WDR27: variants seen among roughly 807,000 people sequenced by gnomAD.
The protein encoded by WDR27 is WD repeat-containing protein 27.
In WDR27, 100 loss-of-function variants were observed where a neutral mutation model predicts 114.4. The ratio of observed to expected loss-of-function variants is 0.87; its 90% CI spans 0.74 to 1.03. WDR27 has a LOEUF of 1.03. Ranked by LOEUF, WDR27 falls within the 50% of genes least tolerant of loss-of-function variation. WDR27 has a pLI of 0.00. For missense variants in WDR27, 1,129 were observed against 1,092.9 expected, an observed-to-expected ratio of 1.03 and a Z score of -0.47; for synonymous variants, 449 against 423.1, an observed-to-expected ratio of 1.06 and a Z score of -0.75.
At chr6:169,472,853 G>A (rs1279550517) in intron 25 of WDR27, among the ~76,000 whole-genome samples, 1 of 152,116 alleles carries the variant, frequency 6.6e-6, no homozygotes, top group Admixed American at 6.5e-5. Flanking sequence ...TCATAGACAT[G>A]TCAAATTTAA....
At chr6:169,429,010 G>A in the WDR27 span, among the ~76,000 whole-genome samples, 4 of 152,148 alleles carry the variant, frequency 2.6e-5, no homozygotes, top group African/African-American at 4.8e-5. Flanking sequence ...AAAACTCCCA[G>A]GCAGAAAGCA....
At chr6:169,579,274 G>A (rs1046854324) in intron 24 of WDR27, among the ~76,000 whole-genome samples, 24 of 152,186 alleles carry the variant, frequency 1.6e-4, no homozygotes, top group African/African-American at 5.8e-4. Flanking sequence ...AGAAGAGAGA[G>A]CCTTAAGCCA....
intron 25 of WDR27, among the ~76,000 whole-genome samples, chr6:169,499,034 T>C (rs907410804): frequency 6.6e-5 from 10 of 152,310 alleles, no homozygotes; most frequent in African/African-American, 2.4e-4. Flanking sequence ...TCAACAGCAA[T>C]ACCCCATTAC....
In WDR27 at chr6:169,655,289, G is replaced by A. The variant is rs117256282; in HGVS notation, c.1402+2987C>T. On this transcript the variant is annotated intron_variant, in intron 13 of 25. Coordinates refer to ENST00000448612, the MANE Select transcript of WDR27 (RefSeq NM_182552.5). ...GCCACCTGGGAAGACCCTTGCCATC[G>A]TCTGCCATCGACCTGCCATGTGGGG... Among the ~76,000 whole-genome samples, 226 of 152,332 alleles carry A rather than the reference G, an allele frequency of 1.5e-3. 5 individuals carry two copies. In the East Asian group the frequency reaches 0.038, roughly 26 times the overall value.
At chr6:169,506,051 A>T (rs1462556649) in intron 25 of WDR27, among the ~76,000 whole-genome samples, 1 of 152,178 alleles carries the variant, frequency 6.6e-6, no homozygotes, top group African/African-American at 2.4e-5. Flanking sequence ...TACAGCAGAC[A>T]TTTGCTTTTG....
At chr6:169,551,763 A>G (rs1186243154) in intron 25 of WDR27, among the ~76,000 whole-genome samples, 6 of 150,308 alleles carry the variant, frequency 4.0e-5, no homozygotes, top group Non-Finnish European at 5.9e-5. Flanking sequence ...AAAGAAAAAG[A>G]AAAGAAAAGA....
rs369036337 is a variant in WDR27 at position 169,559,537 on chromosome 6, A to G, written c.2645+12882T>C. On this transcript the variant is annotated intron_variant, in intron 25 of 25. Coordinates refer to ENST00000448612, the MANE Select transcript of WDR27 (RefSeq NM_182552.5). ...ATTAATGCCACATTAGTAGAAATAT[A>G]ATATATGTTGCCTCTCACAGAAATA... 5 of 152,324 alleles carry G rather than the reference A, an allele frequency of 3.3e-5. No homozygotes were observed. In the South Asian group the frequency reaches 1.0e-3, roughly 32 times the overall value. 9.4% of individuals were successfully genotyped at this position (152,324 alleles called of 1,614,324 possible).
At chr6:169,629,098 T>A (rs1335991489) in intron 21 of WDR27, among the ~76,000 whole-genome samples, 1 of 152,176 alleles carries the variant, frequency 6.6e-6, no homozygotes, top group African/African-American at 2.4e-5. Flanking sequence ...GAAATAAAAT[T>A]ACAAAATCAC....
chr6:169,626,698 GA>G (rs1814946321), intron 21 of WDR27, among the ~76,000 whole-genome samples: 1 of 152,244 alleles, frequency 6.6e-6, no homozygotes, highest in African/African-American at 2.4e-5. Flanking sequence ...CCACGTCCGT[GA>G]GTAAGTAGAT....
chr6:169,681,755 T>C (rs533646024), intron 2 of WDR27, among the ~76,000 whole-genome samples: 12 of 152,192 alleles, frequency 7.9e-5, no homozygotes, highest in Non-Finnish European at 1.8e-4. Flanking sequence ...CTTGCCCGTA[T>C]CTTGCAACCT....
the WDR27 span, among the ~76,000 whole-genome samples, chr6:169,443,302 T>A: frequency 6.6e-6 from 1 of 152,164 alleles, no homozygotes; most frequent in Non-Finnish European, 1.5e-5. Context: ...ATTGTTTAAC[T>A]CTCCTGTTAT....
At chr6:169,678,650 G>A (rs1015937038) in intron 2 of WDR27, among the ~76,000 whole-genome samples, 5 of 152,064 alleles carry the variant, frequency 3.3e-5, no homozygotes, top group South Asian at 2.1e-4. Context: ...GGGGTCTGGG[G>A]AGTCATGCCC....
chr6:169,605,358 C>T (rs1044616598), intron 22 of WDR27, among the ~76,000 whole-genome samples: 6 of 151,458 alleles, frequency 4.0e-5, no homozygotes, highest in African/African-American at 1.5e-4. Context: ...GTCCTATTTA[C>T]AATAGCTATA....
rs1473789858 is a variant in WDR27, at chr6:169,571,031, TAGAA to T, written c.2645+1384_2645+1387del. Among the ~76,000 whole-genome samples the T allele has an allele frequency of 2.0e-5, 3 of 152,284 alleles. No individual in the cohort carries two copies. In the South Asian group the frequency reaches 6.2e-4, roughly 32 times the overall value. On this transcript the variant is annotated intron_variant, in intron 25 of 25. Coordinates refer to ENST00000448612, the MANE Select transcript of WDR27 (RefSeq NM_182552.5). Reference sequence around the variant, plus strand: ...GCAGACTGTTTCAATTATGAGTTCTTAGAAAGAAATAGTGCAATCTTGCTCCTGA... The same window carrying T: ...GCAGACTGTTTCAATTATGAGTTCTTAGAAATAGTGCAATCTTGCTCCTGA...
chr6:169,480,428 C>T (rs1008646441), intron 25 of WDR27, among the ~76,000 whole-genome samples: 7 of 152,238 alleles, frequency 4.6e-5, no homozygotes, highest in East Asian at 3.9e-4. Context: ...GGTATGCAGG[C>T]GTGCAGCGTG....
At chr6:169,672,134 C>T (rs1481129807) in intron 3 of WDR27, 121 bp downstream of exon 3, 1 of 1,041,202 alleles carries the variant, frequency 9.6e-7, no homozygotes, top group Non-Finnish European at 1.3e-6. Flanking sequence ...AAAATTATCC[C>T]AAACCCCCCG....
At chr6:169,536,483 C>T (rs998618379) in intron 25 of WDR27, among the ~76,000 whole-genome samples, 1 of 152,180 alleles carries the variant, frequency 6.6e-6, no homozygotes, top group Non-Finnish European at 1.5e-5. Flanking sequence ...GAATCTCCCA[C>T]TTAAAGTGCA....
chr6:169,667,958 C>T (rs370434752), intron 5 of WDR27, 24 bp downstream of exon 5: 94 of 1,597,548 alleles, frequency 5.9e-5, no homozygotes, highest in Non-Finnish European at 7.8e-5. Flanking sequence ...CACGCGGGAA[C>T]GCCATCCAGC....
intron 25 of WDR27, among the ~76,000 whole-genome samples, chr6:169,470,184 C>G (rs1435597783): frequency 6.6e-6 from 1 of 152,138 alleles, no homozygotes; most frequent in Non-Finnish European, 1.5e-5. Flanking sequence ...CATTTGAGAC[C>G]CCACCAGATG....
Sources: allele counts gnomAD v4.1 joint callset (sites outside exome capture counted in the v4.1 genomes callset), GRCh38; gene constraint gnomAD v4.1.1; transcripts MANE v1.5; gene names NCBI Gene and HGNC (gene_info 2026-07-23, HGNC 2026-07-21).